Variants in KLHL42 observed in about 807,000 individuals in gnomAD.
KLHL42 encodes the protein kelch like family member 42.
In KLHL42, 27 loss-of-function variants were observed where a neutral mutation model predicts 32.7. That is an observed-to-expected ratio of 0.83 (90% CI 0.61 to 1.14). The LOEUF (loss-of-function observed/expected upper bound fraction) is 1.14. Among genes scored for constraint, KLHL42 ranks in the 50% most tolerant of loss-of-function variants. The pLI, the probability that KLHL42 is intolerant of heterozygous loss-of-function variation, is 0.00. For synonymous variants in KLHL42, 267 were observed against 248.2 expected (o/e 1.08, Z -0.71); for missense variants, 491 against 560.8 (o/e 0.88, Z 1.26).
At chr12:27,792,208 G>T (rs2062200546) in intron 2 of KLHL42, 3 of 216,782 alleles carry the variant, frequency 1.4e-5, no homozygotes, top group Admixed American at 5.3e-5. Context: ...TTGTGATTTG[G>T]CTGGGCCTGG....
intron 2 of KLHL42, among the ~76,000 whole-genome samples, chr12:27,795,700 T>C (rs1323704354): frequency 1.3e-5 from 2 of 152,220 alleles, no homozygotes; most frequent in Non-Finnish European, 2.9e-5. Context: ...TAGTAAATAA[T>C]AGCTCATTAT....
rs1054143549 is a variant in KLHL42 at position 27,799,453 on chromosome 12, C to T, written c.*1287C>T. Reference sequence around the variant, plus strand: ...ATTATCTGATATTTTGTAATGGCATCAGTTAAACTGTGAGCTGGATTCCAT... The same window carrying T: ...ATTATCTGATATTTTGTAATGGCATTAGTTAAACTGTGAGCTGGATTCCAT... On this transcript the variant is annotated 3_prime_UTR_variant, in exon 3 of 3. Transcript: ENST00000381271. The T allele has an allele frequency of 6.6e-6, 1 of 152,170 alleles. No individual in the cohort carries two copies. The highest frequency in any genetic ancestry group is 1.5e-5 in the Non-Finnish European group (1 of 68,032). 9.4% of individuals were successfully genotyped at this position (152,170 alleles called of 1,614,324 possible).
At chr12:27,782,871 G>A (rs1311587544) in intron 1 of KLHL42, among the ~76,000 whole-genome samples, 1 of 151,492 alleles carries the variant, frequency 6.6e-6, no homozygotes, top group Non-Finnish European at 1.5e-5. Flanking sequence ...CTGCCCTCAG[G>A]GTACAGAAAA....
chr12:27,780,459 C>A lies in KLHL42; in HGVS notation c.129C>A (p.Ser43Arg). 1 of 1,545,812 alleles carries A rather than the reference C, an allele frequency of 6.5e-7. No individual in the cohort carries two copies. The highest frequency in any genetic ancestry group is 8.7e-7 in the Non-Finnish European group (1 of 1,146,660). ...LYRSGMREAL[S>R]QEAGGPEVQQ... ...GCTCCGGCATGCGCGAGGCCCTGAG[C>A]CAGGAGGCCGGCGGCCCGGAGGTGC... The change falls in exon 1 of 3, where the codon AGC becomes AGA. Residue 43 changes from serine (S) to arginine (R), a missense_variant. Coordinates refer to ENST00000381271, the MANE Select transcript of KLHL42 (RefSeq NM_020782.2). This position sits in a 1 kb window ranked among gnomAD's most constrained non-coding sequence, Gnocchi z 8.8.
At position 27,780,963 on chromosome 12, in the gene KLHL42, C is replaced by T. The variant is rs769277069; in HGVS notation, c.633C>T (p.Pro211=). The change falls in exon 1 of 3, where the codon CCC becomes CCT. Residue 211 remains proline (P), a synonymous_variant. Coordinates refer to ENST00000381271, the MANE Select transcript of KLHL42 (RefSeq NM_020782.2). This position sits in a 1 kb window ranked among gnomAD's most constrained non-coding sequence, Gnocchi z 8.8. ...TGGGGGGACCCCTGGCCCCTCACCC[C>T]TACCAGGGGGAGCCCCCGTCCATGC... The part of the protein sequence containing the change: ...DFLGGPLAPH[P]YQGEPPSMLR... The T allele has an allele frequency of 1.9e-6, 3 of 1,600,794 alleles. No individual in the cohort carries two copies. The highest frequency in any genetic ancestry group is 2.6e-6 in the Non-Finnish European group (3 of 1,170,826).
intron 1 of KLHL42, among the ~76,000 whole-genome samples, 176 bp downstream of exon 1, chr12:27,781,378 C>G (rs958766279): frequency 6.6e-6 from 1 of 152,140 alleles, no homozygotes; most frequent in Admixed American, 6.5e-5. Context: ...TAAGAAATTG[C>G]GAAGAGGACG....
At chr12:27,786,486 G>A (rs887680166) in intron 1 of KLHL42, among the ~76,000 whole-genome samples, 3 of 152,174 alleles carry the variant, frequency 2.0e-5, no homozygotes, top group African/African-American at 7.2e-5. Flanking sequence ...TCCAATACAG[G>A]TTATGCATGC....
chr12:27,791,759 G>A lies in KLHL42; in HGVS notation c.924G>A (p.Gly308=). 1 of 1,614,184 alleles carries A rather than the reference G, an allele frequency of 6.2e-7. No individual in the cohort carries two copies. The highest frequency in any genetic ancestry group is 8.5e-7 in the Non-Finnish European group (1 of 1,180,004). ...ATTCAAAACTCTATGCCATCGGAGG[G>A]CAGGCCGTTTCTAACGTTGAGTGTT... ...AVNSKLYAIG[G]QAVSNVECYN... is the part of the protein sequence containing the mutation. Residue 308 remains glycine, a synonymous_variant, in exon 2 of 3, where the codon GGG becomes GGA. Transcript: ENST00000381271.
Position 27,780,362 on chromosome 12 carries a change from T to G in KLHL42, c.32T>G (p.Leu11Arg). 6.3e-7 allele frequency: 1 copy of G among 1,582,706 alleles called. No individual in the cohort carries two copies. The highest frequency in any genetic ancestry group is 8.6e-7 in the Non-Finnish European group (1 of 1,167,148). MSAEEMVQIR[L>R]EDRCYPVSKR... ...GCCGAGGAGATGGTGCAGATCCGCCTGGAGGACCGCTGCTACCCGGTGAGC... is the reference window on the plus strand; with the variant it reads ...GCCGAGGAGATGGTGCAGATCCGCCGGGAGGACCGCTGCTACCCGGTGAGC... The change falls in exon 1 of 3, where the codon CTG becomes CGG. Residue 11 changes from leucine (L) to arginine (R), a missense_variant. Leu to Arg is a moderately radical substitution (Grantham distance 102, BLOSUM62 -2). Transcript: ENST00000381271. This position sits in a 1 kb window ranked among gnomAD's most constrained non-coding sequence, Gnocchi z 8.8.
At position 27,800,559 on chromosome 12, in the gene KLHL42, C is replaced by T. The variant is rs1032304039; in HGVS notation, c.*2393C>T. The T allele has an allele frequency of 1.1e-4, 20 of 186,304 alleles. No homozygotes were observed. The highest frequency in any genetic ancestry group is 1.8e-4 in the South Asian group (1 of 5,424). The allele number at this position is 186,304 out of a possible 1,614,324, so 11.5% of individuals were successfully genotyped here. A position where few individuals can be genotyped will look rare whatever the true frequency, so the allele number is the denominator to read the frequency against. ...TTTTGAGGGTAGTTTTAATTTAGCT[C>T]GGTTCTCTTGTTGGTGCCAGTATTA... is the stretch of plus-strand genomic sequence containing the variant. On this transcript the variant is annotated 3_prime_UTR_variant, in exon 3 of 3. Transcript: ENST00000381271.
At chr12:27,784,626 A>C (rs146036296) in intron 1 of KLHL42, among the ~76,000 whole-genome samples, 1 of 152,276 alleles carries the variant, frequency 6.6e-6, no homozygotes, top group African/African-American at 2.4e-5. Context: ...CCTCATCTCT[A>C]TAAACAGTTA....
At position 27,800,502 on chromosome 12, in the gene KLHL42, C is replaced by A. The variant is rs2062242101; in HGVS notation, c.*2336C>A. ...AGATCTGTGCATTTTGTGACATCGT[C>A]CTTCCTGCTGTGCACATCAGCTGTG... is the stretch of plus-strand genomic sequence containing the variant. On this transcript the variant is annotated 3_prime_UTR_variant, in exon 3 of 3. Coordinates refer to ENST00000381271, the MANE Select transcript of KLHL42 (RefSeq NM_020782.2). 1 of 409,788 alleles carries A rather than the reference C, an allele frequency of 2.4e-6. No homozygotes were observed. The highest frequency in any genetic ancestry group is 3.3e-6 in the Non-Finnish European group (1 of 304,004). The allele number at this position is 409,788 out of a possible 1,614,324, so 25.4% of individuals were successfully genotyped here.
chr12:27,790,604 TA>T (rs1333024319), intron 1 of KLHL42, among the ~76,000 whole-genome samples: 1 of 152,258 alleles, frequency 6.6e-6, no homozygotes, highest in African/African-American at 2.4e-5. Context: ...CTGAAGCTGA[TA>T]AGCAGCATTT....
At chr12:27,794,158 C>T (rs535598973) in intron 2 of KLHL42, among the ~76,000 whole-genome samples, 1 of 152,356 alleles carries the variant, frequency 6.6e-6, no homozygotes, top group East Asian at 1.9e-4. Context: ...TTAGTATACA[C>T]TTGGTGGCCT....
intron 2 of KLHL42, among the ~76,000 whole-genome samples, chr12:27,792,627 A>C (rs1375440132): frequency 2.0e-5 from 3 of 152,102 alleles, no homozygotes; most frequent in Non-Finnish European, 4.4e-5. Context: ...GGGTTCAAGC[A>C]GTCCTCCTGC....
At position 27,781,017 on chromosome 12, in the gene KLHL42, G is replaced by A; in HGVS notation, c.687G>A (p.Trp229Ter). Residue 229 changes from tryptophan to a stop codon, truncating the protein, a stop_gained, in exon 1 of 3, where the codon TGG becomes TGA. Transcript: ENST00000381271. LOFTEE classifies it high-confidence loss of function. Reference protein sequence around the residue: ...MLRYEEMTERWFPLANNLPPD... With the variant: ...MLRYEEMTER The stretch of plus-strand genomic sequence containing the variant: ...GGTACGAGGAGATGACTGAGCGTTG[G>A]TTCCCGCTGGCCAACAACCTTCCTC... 2.5e-6 allele frequency: 4 copies of A among 1,611,696 alleles called. No individual in the cohort carries two copies. Among genetic ancestry groups the A allele is most frequent in the Non-Finnish European group, 3.4e-6 (4 of 1,178,472 alleles).
rs1195478625 is a variant in KLHL42 at position 27,798,422 on chromosome 12, G to C, written c.*256G>C. 2.3e-6 allele frequency: 1 copy of C among 433,016 alleles called. No individual in the cohort carries two copies. The highest frequency in any genetic ancestry group is 4.1e-6 in the Non-Finnish European group (1 of 241,274). 26.8% of individuals were successfully genotyped at this position (433,016 alleles called of 1,614,324 possible). ...ATCCATCTCCAAACATGATACTCTTGGGCCAATGACGGATCATCAAAATGT... is the reference window on the plus strand; with the variant it reads ...ATCCATCTCCAAACATGATACTCTTCGGCCAATGACGGATCATCAAAATGT... On this transcript the variant is annotated 3_prime_UTR_variant, in exon 3 of 3. Coordinates refer to ENST00000381271, the MANE Select transcript of KLHL42 (RefSeq NM_020782.2).
At chr12:27,794,331 C>T (rs2062210019) in intron 2 of KLHL42, among the ~76,000 whole-genome samples, 1 of 152,094 alleles carries the variant, frequency 6.6e-6, no homozygotes, top group African/African-American at 2.4e-5. Context: ...TCCATGATGC[C>T]CCTGCCTCTG....
rs1172429164 is a variant in KLHL42 at position 27,780,984 on chromosome 12, C to T, written c.654C>T (p.Ser218=). 6.2e-7 allele frequency: 1 copy of T among 1,601,738 alleles called. No homozygotes were observed. The highest frequency in any genetic ancestry group is 1.1e-5 in the South Asian group (1 of 89,946). Residue 218 remains serine (S), a synonymous_variant, in exon 1 of 3, where the codon TCC becomes TCT. Transcript: ENST00000381271. The surrounding 1 kb of genome is among the most constrained non-coding windows in gnomAD (Gnocchi z 8.8). ...ACCCCTACCAGGGGGAGCCCCCGTC[C>T]ATGCTCAGGTACGAGGAGATGACTG... ...APHPYQGEPP[S]MLRYEEMTER...
Sources: allele counts gnomAD v4.1 joint callset (sites outside exome capture counted in the v4.1 genomes callset), GRCh38; gene constraint gnomAD v4.1.1; non-coding constraint Gnocchi (gnomAD v3.1); transcripts MANE v1.5; gene names NCBI Gene and HGNC (gene_info 2026-07-23, HGNC 2026-07-21).